Variants in CAMTA1 observed in about 807,000 individuals in gnomAD.
CAMTA1 encodes calmodulin-binding transcription activator 1.
CAMTA1 carries 27 observed loss-of-function variants against 170.9 expected under a neutral mutation model. That is an observed-to-expected ratio of 0.16 (90% CI 0.12 to 0.22). The LOEUF is 0.22. Among genes scored for constraint, CAMTA1 ranks in the 10% least tolerant of loss-of-function variants. The pLI is 1.00. For missense variants in CAMTA1, 1,619 were observed against 2,217.2 expected (o/e 0.73, Z 5.42); for synonymous variants, 833 against 891.5 (o/e 0.93, Z 1.17).
intron 4 of CAMTA1, among the ~76,000 whole-genome samples, chr1:7,214,197 A>G (rs1659326493): frequency 6.6e-6 from 1 of 152,146 alleles, no homozygotes; most frequent in African/African-American, 2.4e-5. Context: ...GACTTCTACA[A>G]TGGTTGAACT....
At chr1:7,282,985 C>T (rs1480027945) in intron 5 of CAMTA1, among the ~76,000 whole-genome samples, 3 of 152,146 alleles carry the variant, frequency 2.0e-5, no homozygotes, top group Non-Finnish European at 4.4e-5. Flanking sequence ...ATGCTCATTA[C>T]AGCAGTATTG....
At chr1:7,488,850 CACAT>C (rs1291870435) in intron 6 of CAMTA1, among the ~76,000 whole-genome samples, 1 of 152,126 alleles carries the variant, frequency 6.6e-6, no homozygotes, top group East Asian at 1.9e-4. Context: ...ACATGATATA[CACAT>C]ACATATATAC....
chr1:7,139,350 A>G (rs1451437340), intron 4 of CAMTA1, among the ~76,000 whole-genome samples: 1 of 145,934 alleles, frequency 6.9e-6, no homozygotes, highest in African/African-American at 2.5e-5. Flanking sequence ...ATGGTATATA[A>G]ATATTTTATA....
intron 6 of CAMTA1, among the ~76,000 whole-genome samples, chr1:7,475,510 C>A (rs1038391384): frequency 1.3e-5 from 2 of 152,250 alleles, no homozygotes; most frequent in Non-Finnish European, 2.9e-5. Context: ...CTGCCAGACC[C>A]TCTGCGCACC....
In CAMTA1 at chr1:7,484,746, A is replaced by G. The variant is rs1402164981; in HGVS notation, c.510+16845A>G. 3.3e-5 allele frequency among the ~76,000 whole-genome samples: 5 copies of G among 151,958 alleles called. No individual in the cohort carries two copies. The East Asian group carries it at 5.8e-4, about 18-fold the overall frequency. ...GGAGCTTGCAGTGAGCTGAGATCGC[A>G]CCACTGCACTCCAACCTGGGCGACA... On this transcript the variant is annotated intron_variant, in intron 6 of 22. Coordinates refer to ENST00000303635, the MANE Select transcript of CAMTA1 (RefSeq NM_015215.4).
intron 5 of CAMTA1, among the ~76,000 whole-genome samples, chr1:7,401,926 G>A (rs933968731): frequency 1.3e-5 from 2 of 152,092 alleles, no homozygotes; most frequent in African/African-American, 2.4e-5. Flanking sequence ...TGGGAACTAG[G>A]TTACTATGTT....
chr1:7,322,962 T>TCCCCG (rs1557514741), intron 5 of CAMTA1, among the ~76,000 whole-genome samples: 2 of 70,884 alleles, frequency 2.8e-5, no homozygotes, highest in Admixed American at 1.6e-4. Context: ...TCCCCTCCCC[T>TCCCCG]TCCTCCGTTC....
At chr1:7,527,832 T>C (rs1308087555) in intron 6 of CAMTA1, among the ~76,000 whole-genome samples, 1 of 152,236 alleles carries the variant, frequency 6.6e-6, no homozygotes, top group Non-Finnish European at 1.5e-5. Context: ...AAATTCAGCC[T>C]GTACCTATCT....
chr1:7,177,964 C>T lies in CAMTA1; in HGVS notation c.303-71527C>T, dbSNP rs146647735. On this transcript the variant is annotated intron_variant, in intron 4 of 22. Coordinates refer to ENST00000303635, the MANE Select transcript of CAMTA1 (RefSeq NM_015215.4). ...TCCACACACGGAGGCTCCTCCCACA[C>T]ACTGAACCCCCTCCCCACGCGTGGA... Among the ~76,000 whole-genome samples, 476 of 151,966 alleles carry T rather than the reference C, an allele frequency of 3.1e-3. 6 individuals are homozygous for T. Among genetic ancestry groups the T allele is most frequent in the African/African-American group, 0.011 (447 of 41,440 alleles).
intron 3 of CAMTA1, among the ~76,000 whole-genome samples, chr1:6,950,145 G>A (rs1231871335): frequency 2.0e-5 from 3 of 152,192 alleles, no homozygotes; most frequent in Non-Finnish European, 4.4e-5. Context: ...TCTGCCCAGG[G>A]GCAGGGGATG....
intron 4 of CAMTA1, among the ~76,000 whole-genome samples, chr1:7,129,767 T>C (rs1190244135): frequency 6.6e-6 from 1 of 152,214 alleles, no homozygotes; most frequent in Non-Finnish European, 1.5e-5. Context: ...CCTAAAAGTT[T>C]CCTTGTGCCT....
intron 6 of CAMTA1, among the ~76,000 whole-genome samples, chr1:7,605,930 G>A (rs2095482846): frequency 6.6e-6 from 1 of 152,196 alleles, no homozygotes; most frequent in Admixed American, 6.5e-5. Flanking sequence ...CACAGAGAGG[G>A]ACAACAAAGT....
chr1:6,889,764 A>AC (rs1471706521), intron 3 of CAMTA1, among the ~76,000 whole-genome samples: 1 of 152,090 alleles, frequency 6.6e-6, no homozygotes, highest in Non-Finnish European at 1.5e-5. Context: ...CCATACGACA[A>AC]CCCCTGTGAC....
chr1:7,185,829 G>C (rs1349897643), intron 4 of CAMTA1, among the ~76,000 whole-genome samples: 2 of 152,124 alleles, frequency 1.3e-5, no homozygotes, highest in Admixed American at 1.3e-4. Flanking sequence ...TGTACTCCAA[G>C]AAAAATGTCA....
chr1:6,831,064 C>T (rs11120775), intron 3 of CAMTA1, among the ~76,000 whole-genome samples: 44,222 of 151,338 alleles, frequency 0.29, 7,050 homozygotes, highest in Non-Finnish European at 0.36. Flanking sequence ...ATGATCCGCC[C>T]GCCTCAGCCT....
chr1:7,362,680 C>A (rs1353155796), intron 5 of CAMTA1, among the ~76,000 whole-genome samples: 1 of 131,124 alleles, frequency 7.6e-6, no homozygotes, highest in Non-Finnish European at 1.6e-5. Context: ...CTGGTGGACT[C>A]GAATAGAGTT....
intron 3 of CAMTA1, among the ~76,000 whole-genome samples, chr1:6,876,308 G>A (rs761264624): frequency 6.6e-6 from 1 of 151,842 alleles, no homozygotes; most frequent in Non-Finnish European, 1.5e-5. Flanking sequence ...AAATCCTTCA[G>A]GTGCCTACCA....
In CAMTA1 at chr1:7,671,054, C is replaced by T; in HGVS notation, c.2779+17C>T. 1 of 1,612,162 alleles carries T rather than the reference C, an allele frequency of 6.2e-7. No individual in the cohort carries two copies. Among genetic ancestry groups the T allele is most frequent in the Admixed American group, 1.7e-5 (1 of 59,944 alleles). ...ACTGCCCAGGTGAGAAAGCCGCCCC[C>T]CAGGCCCCCAAGGTGAGTGTGATGG... is the stretch of plus-strand genomic sequence containing the variant. On this transcript the variant is annotated intron_variant, in intron 10 of 22. Transcript: ENST00000303635.
At chr1:7,601,108 G>A (rs2095437394) in intron 6 of CAMTA1, among the ~76,000 whole-genome samples, 1 of 150,814 alleles carries the variant, frequency 6.6e-6, no homozygotes, top group Admixed American at 6.6e-5. Context: ...GGCCGGGCCG[G>A]GGGCTGACCC....
Sources: gnomAD v4.1 joint callset for allele counts (sites outside exome capture counted in the v4.1 genomes callset) on GRCh38, gnomAD v4.1.1 for gene constraint, MANE v1.5 for transcripts, NCBI Gene and HGNC (gene_info 2026-07-23, HGNC 2026-07-21) for gene names.